Variants in FIG4 observed in about 807,000 individuals in gnomAD.
The protein encoded by FIG4 is polyphosphoinositide phosphatase.
Under a neutral mutation model 118.6 loss-of-function variants are expected in FIG4, and 112 were observed. The observed-to-expected ratio is 0.94, with a 90% CI of 0.81 to 1.11. The LOEUF (loss-of-function observed/expected upper bound fraction) is 1.11, where lower values mean the gene tolerates loss of function less well. Ranked by LOEUF, FIG4 falls within the 50% of genes least tolerant of loss-of-function variation. The pLI is 0.00. For missense variants in FIG4, 969 were observed against 1,111.7 expected, an observed-to-expected ratio of 0.87 and a Z score of 1.83; for synonymous variants, 369 against 381.2, an observed-to-expected ratio of 0.97 and a Z score of 0.37.
intron 1 of FIG4, among the ~76,000 whole-genome samples, chr6:109,700,710 G>A (rs767307095): frequency 6.6e-6 from 1 of 152,214 alleles, no homozygotes; most frequent in Non-Finnish European, 1.5e-5. Context: ...ATGGGTGGCT[G>A]AGCTAGTGAT....
At position 109,743,734 on chromosome 6, in the gene FIG4, A is replaced by G; in HGVS notation, c.1099A>G (p.Arg367Gly). ...AALHFDQMFQ[R>G]FGSPIIILNL... ...CCTTCACTTTGACCAGATGTTCCAG[A>G]GGTTTGGCTCTCCCATCATCATCTT... The change falls in exon 10 of 23, where the codon AGG becomes GGG. Residue 367 changes from arginine to glycine, a missense_variant. Arg to Gly is a moderately radical substitution (Grantham distance 125). Coordinates refer to ENST00000230124, the MANE Select transcript of FIG4 (RefSeq NM_014845.6). The G allele has an allele frequency of 6.2e-7, 1 of 1,612,872 alleles. No homozygotes were observed. The highest frequency in any genetic ancestry group is 8.5e-7 in the Non-Finnish European group (1 of 1,179,244).
chr6:109,766,517 T>C (rs540010338), intron 14 of FIG4, among the ~76,000 whole-genome samples: 1 of 152,338 alleles, frequency 6.6e-6, no homozygotes, highest in Non-Finnish European at 1.5e-5. Flanking sequence ...GTGCCCCTGC[T>C]TCCATTTTAG....
In FIG4 at chr6:109,796,454, C is replaced by A. The variant is rs1051693790; in HGVS notation, c.2460-311C>A. The stretch of plus-strand genomic sequence containing the variant: ...TGTGAGGCTCTGCAAGATCATCTTC[C>A]TGGCTTCAGGAACATTTCTGTTCAA... On this transcript the variant is annotated intron_variant, in intron 21 of 22. Transcript: ENST00000230124. 2.6e-5 allele frequency among the ~76,000 whole-genome samples: 4 copies of A among 152,332 alleles called. No homozygotes were observed. The South Asian group carries it at 8.3e-4, about 32-fold the overall frequency.
intron 3 of FIG4, among the ~76,000 whole-genome samples, chr6:109,717,736 TGAA>T (rs1056092218): frequency 6.6e-6 from 1 of 152,086 alleles, no homozygotes; most frequent in Non-Finnish European, 1.5e-5. Flanking sequence ...GGCACATACA[TGAA>T]GGTACCCAGA....
At chr6:109,741,341 G>T (rs1477652147) in intron 7 of FIG4, 103 bp from the exon 8 acceptor site, 12 of 816,410 alleles carry the variant, frequency 1.5e-5, no homozygotes, top group Non-Finnish European at 2.6e-5. Flanking sequence ...TGTTCTTTAA[G>T]CCATTGGACA....
intron 10 of FIG4, among the ~76,000 whole-genome samples, chr6:109,749,317 T>C (rs1237746147): frequency 1.3e-5 from 2 of 152,090 alleles, no homozygotes; most frequent in Non-Finnish European, 2.9e-5. Context: ...TGTTCACATC[T>C]CTCTCCATAT....
chr6:109,760,452 A>T, intron 11 of FIG4, 69 bp downstream of exon 11: 1 of 1,374,102 alleles, frequency 7.3e-7, no homozygotes, highest in Non-Finnish European at 1.0e-6. Flanking sequence ...CAGGAAGCTG[A>T]CCTCTGTGGT....
At chr6:109,777,870 C>T (rs1014714752) in intron 16 of FIG4, among the ~76,000 whole-genome samples, 3 of 152,168 alleles carry the variant, frequency 2.0e-5, no homozygotes, top group African/African-American at 7.2e-5. Flanking sequence ...AGTTCTGTGA[C>T]CTGGGTCGAG....
chr6:109,727,235 C>T lies in FIG4; in HGVS notation c.416C>T (p.Ser139Phe), dbSNP rs1775849136. Reference sequence around the variant, plus strand: ...AATATGATCTATATACCCAATGATTCTGTACGGGTTACTCATCCTGATGAA... The same window carrying T: ...AATATGATCTATATACCCAATGATTTTGTACGGGTTACTCATCCTGATGAA... ...DTNMIYIPND[S>F]VRVTHPDEAR... The change falls in exon 4 of 23, where the codon TCT becomes TTT. Residue 139 changes from serine (S) to phenylalanine (F), a missense_variant. By Grantham distance (155) the Ser-to-Phe change is radical (BLOSUM62 -2). Around this residue, in one of 3 missense-constraint regions of FIG4, gnomAD observed 393 missense variants for 409.4 expected, o/e 0.96. Transcript: ENST00000230124. 6.2e-7 allele frequency: 1 copy of T among 1,612,292 alleles called. No individual in the cohort carries two copies. Among genetic ancestry groups the T allele is most frequent in the Non-Finnish European group, 8.5e-7 (1 of 1,178,884 alleles).
chr6:109,813,288 C>T (rs1778771444), intron 22 of FIG4, among the ~76,000 whole-genome samples: 1 of 152,098 alleles, frequency 6.6e-6, no homozygotes, highest in Non-Finnish European at 1.5e-5. Flanking sequence ...TATTTTTATA[C>T]ATAAGAATAT....
chr6:109,752,239 T>C (rs1330045666), intron 10 of FIG4, among the ~76,000 whole-genome samples: 2 of 151,900 alleles, frequency 1.3e-5, no homozygotes, highest in African/African-American at 2.4e-5. Context: ...AGTCTATCAC[T>C]GTTGGACATT....
chr6:109,774,164 C>G (rs1777550318), intron 15 of FIG4, among the ~76,000 whole-genome samples: 1 of 152,124 alleles, frequency 6.6e-6, no homozygotes, highest in Admixed American at 6.6e-5. Flanking sequence ...TACAGAATGG[C>G]TCACAAATAA....
At chr6:109,791,180 T>A (rs2128397173) in intron 19 of FIG4, among the ~76,000 whole-genome samples, 196 bp from the exon 20 acceptor site, 1 of 152,348 alleles carries the variant, frequency 6.6e-6, no homozygotes, top group East Asian at 1.9e-4. Context: ...TAACAGGGCT[T>A]ATATTCATAT....
chr6:109,692,546 G>C (rs938345100), intron 1 of FIG4, among the ~76,000 whole-genome samples: 26 of 152,088 alleles, frequency 1.7e-4, no homozygotes, highest in African/African-American at 6.0e-4. Flanking sequence ...ATTAGATCTA[G>C]AGCAGAAAAT....
At chr6:109,706,452 A>G (rs942960923) in intron 1 of FIG4, among the ~76,000 whole-genome samples, 1 of 152,272 alleles carries the variant, frequency 6.6e-6, no homozygotes, top group Middle Eastern at 3.4e-3. Context: ...CATGCTATTC[A>G]TGATTGTCAA....
chr6:109,801,541 C>T, intron 22 of FIG4, among the ~76,000 whole-genome samples: 1 of 152,094 alleles, frequency 6.6e-6, no homozygotes, highest in East Asian at 1.9e-4. Context: ...GAGCGAGAAT[C>T]CATCTCAAAA....
chr6:109,701,295 T>C (rs1774899739), intron 1 of FIG4, among the ~76,000 whole-genome samples: 1 of 152,220 alleles, frequency 6.6e-6, no homozygotes, highest in African/African-American at 2.4e-5. Context: ...GGTCCTAATA[T>C]GCCTTGTGGC....
At chr6:109,727,317 G>C (rs1157635987) in intron 4 of FIG4, 52 bp downstream of exon 4, 3 of 1,457,836 alleles carry the variant, frequency 2.1e-6, no homozygotes, top group Admixed American at 3.4e-5. Context: ...GTCTTGCCCT[G>C]TTGCCCAGGC....
chr6:109,777,146 C>T, intron 16 of FIG4, 86 bp downstream of exon 16: 1 of 1,244,944 alleles, frequency 8.0e-7, no homozygotes, highest in Non-Finnish European at 1.1e-6. Flanking sequence ...AAATCATAGG[C>T]TAAAATAGTC....
Sources: gnomAD v4.1 joint callset for allele counts (sites outside exome capture counted in the v4.1 genomes callset) on GRCh38, gnomAD v4.1.1 for gene constraint, gnomAD v4.1.1 regional missense constraint, MANE v1.5 for transcripts, NCBI Gene and HGNC (gene_info 2026-07-23, HGNC 2026-07-21) for gene names.